Variants in LRRTM4 observed in about 807,000 individuals in gnomAD.
LRRTM4 encodes leucine-rich repeat transmembrane neuronal protein 4.
A neutral mutation model predicts 47.6 loss-of-function variants in LRRTM4; 25 were observed. The observed-to-expected ratio is 0.53, with a 90% CI of 0.38 to 0.73. The LOEUF is 0.73. LRRTM4 is among the 30% of genes least tolerant of loss of function. The pLI, the probability that LRRTM4 is intolerant of heterozygous loss-of-function variation, is 0.00. For missense variants in LRRTM4, 638 were observed against 713.4 expected, an observed-to-expected ratio of 0.89 and a Z score of 1.20; for synonymous variants, 311 against 269.5, an observed-to-expected ratio of 1.15 and a Z score of -1.51.
At chr2:77,003,142 C>G (rs534353230) in intron 3 of LRRTM4, among the ~76,000 whole-genome samples, 12 of 150,736 alleles carry the variant, frequency 8.0e-5, no homozygotes, top group African/African-American at 2.7e-4. Context: ...TCTGAAACTC[C>G]CTTATTCTGT....
chr2:77,409,354 T>C (rs1463266801), intron 3 of LRRTM4, among the ~76,000 whole-genome samples: 1 of 152,190 alleles, frequency 6.6e-6, no homozygotes, highest in African/African-American at 2.4e-5. Flanking sequence ...AGCAGCATCT[T>C]GTGAGGGCCT....
chr2:76,892,592 C>G (rs1673289997), intron 3 of LRRTM4, among the ~76,000 whole-genome samples: 1 of 151,370 alleles, frequency 6.6e-6, no homozygotes, highest in Admixed American at 6.6e-5. Flanking sequence ...ATCAGGAATT[C>G]CCAAAACATG....
At chr2:77,442,086 A>G (rs1463545324) in intron 3 of LRRTM4, among the ~76,000 whole-genome samples, 1 of 152,160 alleles carries the variant, frequency 6.6e-6, no homozygotes, top group Non-Finnish European at 1.5e-5. Flanking sequence ...GTCCCTGAGA[A>G]CAGCAGAATG....
chr2:76,891,171 C>T (rs1291785602), intron 3 of LRRTM4, among the ~76,000 whole-genome samples: 1 of 151,794 alleles, frequency 6.6e-6, no homozygotes, highest in Non-Finnish European at 1.5e-5. Flanking sequence ...CACATCAAAC[C>T]CTTCCCAACA....
At chr2:76,858,851 A>G (rs1266866623) in intron 3 of LRRTM4, among the ~76,000 whole-genome samples, 2 of 152,170 alleles carry the variant, frequency 1.3e-5, no homozygotes, top group African/African-American at 4.8e-5. Flanking sequence ...CTGAGTCAAC[A>G]TTTACAAATC....
intron 3 of LRRTM4, among the ~76,000 whole-genome samples, chr2:77,139,824 C>A (rs1489155479): frequency 2.6e-5 from 4 of 152,046 alleles, no homozygotes; most frequent in South Asian, 4.2e-4. Flanking sequence ...TTCATATACA[C>A]CAATAACAGA....
At chr2:76,997,158 A>C (rs547700085) in intron 3 of LRRTM4, among the ~76,000 whole-genome samples, 28 of 152,250 alleles carry the variant, frequency 1.8e-4, no homozygotes, top group Non-Finnish European at 3.2e-4. Flanking sequence ...ATGTTCCCCC[A>C]GCAACTATCA....
chr2:77,082,200 G>C (rs1680555640), intron 3 of LRRTM4, among the ~76,000 whole-genome samples: 1 of 151,996 alleles, frequency 6.6e-6, no homozygotes, highest in Non-Finnish European at 1.5e-5. Context: ...TAAAATTCCA[G>C]GAGTATTGAT....
chr2:76,926,472 G>A (rs527536794), intron 3 of LRRTM4, among the ~76,000 whole-genome samples: 11 of 152,206 alleles, frequency 7.2e-5, no homozygotes, highest in African/African-American at 2.4e-4. Context: ...TTTTGGGCCC[G>A]AGGTTAAATG....
chr2:76,770,239 A>G (rs1233791355), intron 3 of LRRTM4, among the ~76,000 whole-genome samples: 4 of 152,232 alleles, frequency 2.6e-5, no homozygotes, highest in Non-Finnish European at 5.9e-5. Flanking sequence ...CATGGTTGCT[A>G]TATTTTCTGC....
At chr2:77,436,857 A>G (rs952235922) in intron 3 of LRRTM4, among the ~76,000 whole-genome samples, 1 of 151,972 alleles carries the variant, frequency 6.6e-6, no homozygotes, top group Non-Finnish European at 1.5e-5. Flanking sequence ...CAACAAAAAT[A>G]ACAAAGTATA....
chr2:77,190,726 T>C (rs1177015652), intron 3 of LRRTM4, among the ~76,000 whole-genome samples: 3 of 152,186 alleles, frequency 2.0e-5, no homozygotes, highest in Non-Finnish European at 4.4e-5. Flanking sequence ...TTGCTACAAA[T>C]ATATACTCTA....
At chr2:76,995,594 A>G (rs188843863) in intron 3 of LRRTM4, among the ~76,000 whole-genome samples, 1 of 152,164 alleles carries the variant, frequency 6.6e-6, no homozygotes, top group East Asian at 1.9e-4. Flanking sequence ...GTCACAGCTG[A>G]AACACCCACA....
At chr2:77,052,298 A>C (rs1168696763) in intron 3 of LRRTM4, among the ~76,000 whole-genome samples, 1 of 151,742 alleles carries the variant, frequency 6.6e-6, no homozygotes, top group African/African-American at 2.4e-5. Context: ...CCTCCCGGGT[A>C]GCTGGGATTA....
chr2:77,230,019 G>C (rs971344051), intron 3 of LRRTM4, among the ~76,000 whole-genome samples: 1 of 152,044 alleles, frequency 6.6e-6, no homozygotes, highest in East Asian at 1.9e-4. Flanking sequence ...AATAATACAG[G>C]AGAGCAAGTC....
intron 3 of LRRTM4, among the ~76,000 whole-genome samples, chr2:77,254,123 C>T (rs149182915): frequency 1.4e-3 from 215 of 151,732 alleles, no homozygotes; most frequent in African/African-American, 5.0e-3. Flanking sequence ...ATAAAGTAAG[C>T]ATCTGAAAAC....
rs200344500 is a variant in LRRTM4 at position 77,394,053 on chromosome 2, C to T, written c.1551+124265G>A. 4.0e-5 allele frequency among the ~76,000 whole-genome samples: 6 copies of T among 151,854 alleles called. No homozygotes were observed. In the East Asian group the frequency reaches 1.2e-3, roughly 30 times the overall value. On this transcript the variant is annotated intron_variant, in intron 3 of 3. Transcript: ENST00000409884. ...CTGCAATGAAGTATTGGATGTAATA[C>T]CTTCATTTTTGCAACATTCAGGAAT...
intron 3 of LRRTM4, among the ~76,000 whole-genome samples, chr2:76,985,146 G>T (rs892319604): frequency 1.3e-5 from 2 of 151,332 alleles, no homozygotes; most frequent in African/African-American, 4.9e-5. Context: ...CAAAATTTTG[G>T]TACACTTTAG....
chr2:76,804,142 A>G (rs1675843810), intron 3 of LRRTM4, among the ~76,000 whole-genome samples: 1 of 152,176 alleles, frequency 6.6e-6, no homozygotes, highest in Admixed American at 6.5e-5. Context: ...GAGTGTGACT[A>G]CATGCTGAGT....
Sources: gnomAD v4.1 joint callset for allele counts (sites outside exome capture counted in the v4.1 genomes callset) on GRCh38, gnomAD v4.1.1 for gene constraint, MANE v1.5 for transcripts, NCBI Gene and HGNC (gene_info 2026-07-23, HGNC 2026-07-21) for gene names.